ARMC8: variants seen among roughly 807,000 people sequenced by gnomAD.
ARMC8 encodes armadillo repeat containing 8, also known as armadillo repeat-containing protein 8.
A neutral mutation model predicts 99.3 loss-of-function variants in ARMC8; 20 were observed. That is an observed-to-expected ratio of 0.20 (90% confidence interval 0.14 to 0.29). The LOEUF is 0.29. Among genes scored for constraint, ARMC8 ranks in the 10% least tolerant of loss-of-function variants. The probability of loss-of-function intolerance (pLI) is 1.00; values close to 1 mark genes in which losing one functional copy is unlikely to be tolerated. For missense variants in ARMC8, 569 were observed against 809.5 expected (o/e 0.70, Z 3.60); for synonymous variants, 263 against 278.3 (o/e 0.95, Z 0.55).
intron 3 of ARMC8, among the ~76,000 whole-genome samples, chr3:138,222,694 T>C (rs1162670874): frequency 2.0e-5 from 3 of 152,240 alleles, no homozygotes; most frequent in Non-Finnish European, 4.4e-5. Flanking sequence ...CTCAAACATA[T>C]ACTTTAGTAA....
In ARMC8 at chr3:138,198,063, C is replaced by T. The variant is rs530288410; in HGVS notation, c.45+10464C>T. ...CTCACTACAGAGCCAGATGTGGTGCCGTACACCTGTAGTCCCAGCTCCTCA... is the reference window on the plus strand; with the variant it reads ...CTCACTACAGAGCCAGATGTGGTGCTGTACACCTGTAGTCCCAGCTCCTCA... On this transcript the variant is annotated intron_variant, in intron 1 of 21. Transcript: ENST00000469044. Among the ~76,000 whole-genome samples, 8 of 152,234 alleles carry T rather than the reference C, an allele frequency of 5.3e-5. No homozygotes were observed. In the South Asian group the frequency reaches 1.2e-3, roughly 24 times the overall value.
intron 11 of ARMC8, among the ~76,000 whole-genome samples, chr3:138,242,286 T>C (rs1211198431): frequency 6.6e-6 from 1 of 152,214 alleles, no homozygotes; most frequent in Non-Finnish European, 1.5e-5. Flanking sequence ...TATAATCTTA[T>C]TCTTGGTCAT....
At chr3:138,263,394 C>G (rs1341231233) in intron 12 of ARMC8, 1 of 236,304 alleles carries the variant, frequency 4.2e-6, no homozygotes, top group Non-Finnish European at 8.4e-6. Flanking sequence ...CTGGAAGGAA[C>G]CTGCCCAATG....
chr3:138,192,275 C>CTTT (rs372563436), intron 1 of ARMC8, among the ~76,000 whole-genome samples: 32 of 130,672 alleles, frequency 2.4e-4, no homozygotes, highest in Middle Eastern at 3.9e-3. Context: ...TTTATTTATC[C>CTTT]TTTTTTTTTT....
At chr3:138,225,307 C>T (rs896647519) in intron 5 of ARMC8, among the ~76,000 whole-genome samples, 6 of 152,228 alleles carry the variant, frequency 3.9e-5, no homozygotes, top group African/African-American at 1.4e-4. Context: ...GACGGGGTTT[C>T]ACCATGTTGG....
intron 2 of ARMC8, among the ~76,000 whole-genome samples, chr3:138,215,987 A>G (rs1472638517): frequency 6.6e-6 from 1 of 150,650 alleles, no homozygotes; most frequent in Admixed American, 6.6e-5. Flanking sequence ...CAGCCTCCCG[A>G]GTAGCTGGGA....
At chr3:138,209,031 G>A (rs1241362237) in intron 1 of ARMC8, among the ~76,000 whole-genome samples, 4 of 152,158 alleles carry the variant, frequency 2.6e-5, no homozygotes, top group Non-Finnish European at 5.9e-5. Context: ...TCTGCCTCCA[G>A]CAATGAAGCT....
rs991615728 is a variant in ARMC8 at position 138,256,611 on chromosome 3, C to T, written c.1135-7128C>T. Among the ~76,000 whole-genome samples the T allele has an allele frequency of 3.9e-5, 6 of 151,996 alleles. No individual in the cohort carries two copies. The East Asian group carries it at 1.2e-3, about 29-fold the overall frequency. ...ATTTTTAGTAGAGACGGGGTTTCAC[C>T]GTGTTAGCCAGGATGTTCTCGATGT... On this transcript the variant is annotated intron_variant, in intron 12 of 21. Coordinates refer to ENST00000469044, the MANE Select transcript of ARMC8 (RefSeq NM_001363941.2).
At chr3:138,270,173 A>G in intron 16 of ARMC8, 41 bp downstream of exon 16, 1 of 1,374,044 alleles carries the variant, frequency 7.3e-7, no homozygotes, top group Non-Finnish European at 1.0e-6. Flanking sequence ...TACAAAAGGA[A>G]TACAGCTATT....
At position 138,272,451 on chromosome 3, in the gene ARMC8, A is replaced by G. The variant is rs531154301; in HGVS notation, c.1480-516A>G. 4.0e-5 allele frequency among the ~76,000 whole-genome samples: 6 copies of G among 151,790 alleles called. No homozygotes were observed. The South Asian group carries it at 8.3e-4, about 21-fold the overall frequency. On this transcript the variant is annotated intron_variant, in intron 16 of 21. Coordinates refer to ENST00000469044, the MANE Select transcript of ARMC8 (RefSeq NM_001363941.2). ...GTACCTAAAAGTGGTCACATTCCTC[A>G]TGTAGAAGTATATCTAAGAGTAACA...
intron 5 of ARMC8, among the ~76,000 whole-genome samples, chr3:138,225,277 A>AT (rs34818114): frequency 6.6e-6 from 1 of 151,904 alleles, no homozygotes; most frequent in Admixed American, 6.6e-5. Context: ...CGCCCAGCTG[A>AT]TTTTTGTGGT....
At chr3:138,271,577 A>G (rs1043763593) in intron 16 of ARMC8, among the ~76,000 whole-genome samples, 5 of 152,176 alleles carry the variant, frequency 3.3e-5, no homozygotes, top group African/African-American at 7.2e-5. Context: ...GTCAGTCTTC[A>G]TATTACCAGC....
At chr3:138,213,564 G>A (rs1379684367) in intron 2 of ARMC8, among the ~76,000 whole-genome samples, 1 of 152,180 alleles carries the variant, frequency 6.6e-6, no homozygotes, top group East Asian at 1.9e-4. Flanking sequence ...AGGTCATAAA[G>A]CGTAGCCTTC....
intron 2 of ARMC8, among the ~76,000 whole-genome samples, chr3:138,210,762 A>T (rs1413816871): frequency 6.6e-6 from 1 of 151,974 alleles, no homozygotes; most frequent in Admixed American, 6.6e-5. Context: ...CAAGGCTGGG[A>T]TGCTTTGTTT....
At chr3:138,287,132 C>T (rs1006988759) in intron 19 of ARMC8, among the ~76,000 whole-genome samples, 2 of 152,214 alleles carry the variant, frequency 1.3e-5, no homozygotes, top group Non-Finnish European at 2.9e-5. Flanking sequence ...TTCAGCCCAA[C>T]TGGTCTTCTA....
intron 7 of ARMC8, among the ~76,000 whole-genome samples, chr3:138,235,640 A>T (rs2046291916): frequency 6.6e-6 from 1 of 152,164 alleles, no homozygotes; most frequent in South Asian, 2.1e-4. Flanking sequence ...AACCTTCGCC[A>T]TTCATTGTTG....
intron 18 of ARMC8, among the ~76,000 whole-genome samples, chr3:138,275,313 T>C (rs2049173593): frequency 6.6e-6 from 1 of 152,136 alleles, no homozygotes; most frequent in South Asian, 2.1e-4. Context: ...ATCCCAGCAC[T>C]TTGGGAGGCC....
chr3:138,233,221 A>T (rs1418102159), intron 6 of ARMC8, among the ~76,000 whole-genome samples: 1 of 152,174 alleles, frequency 6.6e-6, no homozygotes, highest in Non-Finnish European at 1.5e-5. Flanking sequence ...ACTGCAGATG[A>T]TGCATGGATG....
Position 138,188,643 on chromosome 3 carries a change from TA to T in ARMC8, c.45+1047del. 2.9e-6 allele frequency: 4 copies of T among 1,385,106 alleles called. No individual in the cohort carries two copies. The Admixed American group carries it at 6.8e-5, about 24-fold the overall frequency. The allele number at this position is 1,385,106 out of a possible 1,614,324, so 85.8% of individuals were successfully genotyped here. On this transcript the variant is annotated intron_variant, in intron 1 of 21. Transcript: ENST00000469044. ...TGATACTGAGAGGGTAGTTGGATTATAAATGACTTGTCGGGTTCCTAGAGTC... is the reference window on the plus strand; with the variant it reads ...TGATACTGAGAGGGTAGTTGGATTATAATGACTTGTCGGGTTCCTAGAGTC...
Sources: allele counts gnomAD v4.1 joint callset (sites outside exome capture counted in the v4.1 genomes callset), GRCh38; gene constraint gnomAD v4.1.1; transcripts MANE v1.5; gene names NCBI Gene and HGNC (gene_info 2026-07-23, HGNC 2026-07-21).